Variants in ARHGAP42 observed in about 807,000 individuals in gnomAD.
ARHGAP42 encodes rho GTPase-activating protein 42.
Under a neutral mutation model 125.0 loss-of-function variants are expected in ARHGAP42, and 63 were observed. That is an observed-to-expected ratio of 0.50 (90% CI 0.41 to 0.62). The LOEUF (loss-of-function observed/expected upper bound fraction) is 0.62. Among genes scored for constraint, ARHGAP42 ranks in the 20% least tolerant of loss-of-function variants. The pLI is 0.00. For synonymous variants in ARHGAP42, 339 were observed against 351.0 expected (o/e 0.97, Z 0.38); for missense variants, 766 against 1,024.2 (o/e 0.75, Z 3.44).
intron 4 of ARHGAP42, among the ~76,000 whole-genome samples, chr11:100,897,218 T>C (rs1323429642): frequency 6.6e-6 from 1 of 152,224 alleles, no homozygotes; most frequent in Non-Finnish European, 1.5e-5. Flanking sequence ...CTGGTACCAG[T>C]ACCATGCTAT....
At chr11:100,826,238 A>C (rs1049030548) in intron 3 of ARHGAP42, among the ~76,000 whole-genome samples, 9 of 152,168 alleles carry the variant, frequency 5.9e-5, no homozygotes, top group African/African-American at 2.2e-4. Flanking sequence ...ACGTCCTATA[A>C]TTTCCTTTTG....
chr11:100,827,876 G>C (rs1356465464), intron 3 of ARHGAP42, among the ~76,000 whole-genome samples: 2 of 152,288 alleles, frequency 1.3e-5, no homozygotes, highest in East Asian at 3.9e-4. Flanking sequence ...GGAGATGTGT[G>C]GAAGAGAAAA....
At chr11:100,831,207 T>G (rs2135094218) in intron 3 of ARHGAP42, among the ~76,000 whole-genome samples, 1 of 152,256 alleles carries the variant, frequency 6.6e-6, no homozygotes, top group Admixed American at 6.5e-5. Flanking sequence ...TCCAGCCAGC[T>G]GTTGTGATGA....
At chr11:100,918,759 T>C (rs1413104840) in intron 5 of ARHGAP42, among the ~76,000 whole-genome samples, 1 of 152,200 alleles carries the variant, frequency 6.6e-6, no homozygotes, top group Non-Finnish European at 1.5e-5. Context: ...CTTTGGTGTA[T>C]CAAATTTCAG....
chr11:100,734,386 T>C (rs1455796776), intron 1 of ARHGAP42, among the ~76,000 whole-genome samples: 1 of 152,116 alleles, frequency 6.6e-6, no homozygotes, highest in Non-Finnish European at 1.5e-5. Flanking sequence ...TTCAAGCGAT[T>C]CTTCTACCTC....
At chr11:100,898,510 A>G (rs1299036818) in intron 4 of ARHGAP42, among the ~76,000 whole-genome samples, 1 of 152,122 alleles carries the variant, frequency 6.6e-6, no homozygotes, top group African/African-American at 2.4e-5. Flanking sequence ...TTATTGCTTC[A>G]ATTTCAGAGC....
chr11:100,921,178 T>C (rs1224388360), intron 5 of ARHGAP42, among the ~76,000 whole-genome samples: 1 of 142,778 alleles, frequency 7.0e-6, no homozygotes, highest in Non-Finnish European at 1.5e-5. Flanking sequence ...TGATTTTTCA[T>C]TTACATTTAT....
At chr11:100,983,887 C>T (rs1302248015) in intron 22 of ARHGAP42, among the ~76,000 whole-genome samples, 1 of 152,090 alleles carries the variant, frequency 6.6e-6, no homozygotes, top group African/African-American at 2.4e-5. Context: ...TCCTGTAATC[C>T]CAGCACTTTG....
intron 1 of ARHGAP42, among the ~76,000 whole-genome samples, chr11:100,747,392 C>A (rs952900739): frequency 1.3e-5 from 2 of 152,122 alleles, no homozygotes; most frequent in Admixed American, 6.5e-5. Flanking sequence ...TTAATAAAAC[C>A]TTGTAGACAT....
chr11:100,751,479 C>T (rs1451899973), intron 1 of ARHGAP42, among the ~76,000 whole-genome samples: 28 of 149,736 alleles, frequency 1.9e-4, no homozygotes, highest in Admixed American at 1.7e-3. Flanking sequence ...TTTTTTTCTG[C>T]AGTATTTTAT....
intron 4 of ARHGAP42, among the ~76,000 whole-genome samples, chr11:100,862,287 A>AGT (rs1156554218): frequency 2.6e-5 from 4 of 152,188 alleles, no homozygotes; most frequent in African/African-American, 4.8e-5. Context: ...GCCTTGACTT[A>AGT]ACAAGCTTTC....
chr11:100,839,784 A>G (rs970107900), intron 3 of ARHGAP42: 35 of 152,332 alleles, frequency 2.3e-4, no homozygotes, highest in African/African-American at 7.9e-4. Context: ...GAGGACGACC[A>G]TCCCCGATAA....
At chr11:100,937,522 G>A (rs1359282574) in intron 8 of ARHGAP42, among the ~76,000 whole-genome samples, 1 of 152,132 alleles carries the variant, frequency 6.6e-6, no homozygotes, top group Admixed American at 6.5e-5. Context: ...GCCTTCATGT[G>A]ACAGTACATT....
chr11:100,899,422 G>A (rs1030058335), intron 4 of ARHGAP42, among the ~76,000 whole-genome samples: 2 of 152,172 alleles, frequency 1.3e-5, no homozygotes, highest in African/African-American at 4.8e-5. Context: ...TCCTTGTTCT[G>A]TCTAATATTG....
chr11:100,778,536 G>A (rs1433158657), intron 2 of ARHGAP42, among the ~76,000 whole-genome samples: 2 of 151,878 alleles, frequency 1.3e-5, no homozygotes, highest in East Asian at 3.9e-4. Context: ...ATAGCTCTCA[G>A]TTGGACAATT....
intron 1 of ARHGAP42, among the ~76,000 whole-genome samples, chr11:100,694,514 A>G (rs1029500784): frequency 3.3e-5 from 5 of 152,110 alleles, no homozygotes; most frequent in Admixed American, 6.6e-5. Context: ...TGCTGTATGA[A>G]TGGTAATTTC....
chr11:100,790,839 C>A (rs182442344), intron 2 of ARHGAP42, among the ~76,000 whole-genome samples: 1 of 152,274 alleles, frequency 6.6e-6, no homozygotes, highest in East Asian at 1.9e-4. Flanking sequence ...TGTTGTGTTA[C>A]ATGTTAGTCT....
chr11:100,903,709 A>AAAAAAAAAAATAT (rs1332890022), intron 4 of ARHGAP42, among the ~76,000 whole-genome samples: 2 of 63,512 alleles, frequency 3.1e-5, no homozygotes, highest in Non-Finnish European at 5.9e-5. Context: ...TGTCCCTCAA[A>AAAAAAAAAAATAT]ATATATATAT....
intron 1 of ARHGAP42, among the ~76,000 whole-genome samples, chr11:100,734,233 C>T (rs775648630): frequency 1.3e-5 from 2 of 151,150 alleles, no homozygotes; most frequent in Admixed American, 6.6e-5. Flanking sequence ...GCGCCTGGCC[C>T]AAAGCAAAGC....
Sources: gnomAD v4.1 joint callset for allele counts (sites outside exome capture counted in the v4.1 genomes callset) on GRCh38, gnomAD v4.1.1 for gene constraint, MANE v1.5 for transcripts, NCBI Gene and HGNC (gene_info 2026-07-23, HGNC 2026-07-21) for gene names.